RBMS3: variants seen among roughly 807,000 people sequenced by gnomAD.
RBMS3 encodes the protein RNA-binding motif, single-stranded-interacting protein 3.
In RBMS3, 27 loss-of-function variants were observed where a neutral mutation model predicts 66.8. The ratio of observed to expected loss-of-function variants is 0.40; its 90% CI spans 0.30 to 0.56. The LOEUF is 0.56. RBMS3 is among the 20% of genes least tolerant of loss of function. The pLI, the probability that RBMS3 is intolerant of heterozygous loss-of-function variation, is 0.40. For synonymous variants in RBMS3, 188 were observed against 183.0 expected (o/e 1.03, Z -0.22); for missense variants, 513 against 549.5 (o/e 0.93, Z 0.66).
intron 4 of RBMS3, among the ~76,000 whole-genome samples, chr3:29,669,843 G>A (rs973750835): frequency 5.9e-5 from 9 of 152,180 alleles, no homozygotes; most frequent in African/African-American, 2.2e-4. Context: ...CTGCACACAT[G>A]AGTATGCAAT....
At position 29,931,997 on chromosome 3, in the gene RBMS3, A is replaced by C. The variant is rs146720766; in HGVS notation, c.940-4089A>C. Among the ~76,000 whole-genome samples, 1,106 of 152,284 alleles carry C rather than the reference A, an allele frequency of 7.3e-3. 15 individuals carry two copies. The highest frequency in any genetic ancestry group is 0.025 in the African/African-American group (1,043 of 41,566). The stretch of plus-strand genomic sequence containing the variant: ...CATTTAGATAAGACAGCAGAAAAAA[A>C]GGGATGCTGTTTTTTTAATTTTCAC... On this transcript the variant is annotated intron_variant, in intron 10 of 14. Coordinates refer to ENST00000383767, the MANE Select transcript of RBMS3 (RefSeq NM_001003793.3).
At chr3:29,940,714 A>G (rs544680984) in intron 11 of RBMS3, among the ~76,000 whole-genome samples, 2 of 151,276 alleles carry the variant, frequency 1.3e-5, no homozygotes, top group Non-Finnish European at 3.0e-5. Flanking sequence ...TCAAATGTTT[A>G]TTGTTCAATT....
At chr3:29,586,348 C>T (rs1171678883) in intron 3 of RBMS3, among the ~76,000 whole-genome samples, 1 of 152,052 alleles carries the variant, frequency 6.6e-6, no homozygotes, top group Admixed American at 6.6e-5. Flanking sequence ...CATATATAGA[C>T]ATCCACACAA....
intron 2 of RBMS3, among the ~76,000 whole-genome samples, chr3:29,456,865 T>C (rs201823334): frequency 4.7e-4 from 71 of 152,338 alleles, no homozygotes; most frequent in Admixed American, 2.8e-3. Flanking sequence ...ATAGGAATTT[T>C]AAAAGTATAT....
At chr3:29,785,344 A>T (rs1442375971) in intron 6 of RBMS3, among the ~76,000 whole-genome samples, 1 of 152,158 alleles carries the variant, frequency 6.6e-6, no homozygotes, top group Non-Finnish European at 1.5e-5. Context: ...CATACCAGGG[A>T]TGTAAGGATG....
Position 30,009,645 on chromosome 3 carries a change from T to C in RBMS3, c.*5783T>C, listed in dbSNP as rs114770621. ...ATAACGGTAGCTCTTGGTACAGTCA[T>C]ATTCATATTTTTAAATCTTTCTTTG... On this transcript the variant is annotated 3_prime_UTR_variant, in exon 15 of 15. Transcript: ENST00000383767. The C allele has an allele frequency of 2.7e-3, 410 of 152,258 alleles. No individual in the cohort carries two copies. Among genetic ancestry groups the C allele is most frequent in the African/African-American group, 9.3e-3 (388 of 41,530 alleles). The allele number at this position is 152,258 out of a possible 1,614,324, so 9.4% of individuals were successfully genotyped here.
chr3:29,926,650 G>C (rs1200067659), intron 10 of RBMS3, among the ~76,000 whole-genome samples: 1 of 152,138 alleles, frequency 6.6e-6, no homozygotes. Flanking sequence ...TTTTATGACA[G>C]CTCACAGTCC....
At chr3:29,514,772 A>G (rs532630592) in intron 3 of RBMS3, among the ~76,000 whole-genome samples, 1 of 149,490 alleles carries the variant, frequency 6.7e-6, no homozygotes, top group East Asian at 2.0e-4. Flanking sequence ...TATATACGAT[A>G]GGCATATATA....
intron 6 of RBMS3, among the ~76,000 whole-genome samples, chr3:29,769,829 C>A (rs764707297): frequency 1.3e-5 from 2 of 151,880 alleles, no homozygotes; most frequent in Middle Eastern, 3.4e-3. Context: ...GGTAAACAAG[C>A]ATGCAACCAA....
chr3:29,435,996 C>G (rs1349356547), intron 2 of RBMS3, among the ~76,000 whole-genome samples: 1 of 146,732 alleles, frequency 6.8e-6, no homozygotes. Flanking sequence ...GAAGACGAAT[C>G]GTAGACCTGT....
chr3:29,953,605 C>T (rs960054466), intron 12 of RBMS3, among the ~76,000 whole-genome samples: 1 of 151,794 alleles, frequency 6.6e-6, no homozygotes, highest in African/African-American at 2.4e-5. Flanking sequence ...GTGTTTTATT[C>T]ATCACATAGT....
intron 6 of RBMS3, among the ~76,000 whole-genome samples, chr3:29,852,315 A>T (rs2058955083): frequency 6.6e-6 from 1 of 152,216 alleles, no homozygotes; most frequent in South Asian, 2.1e-4. Context: ...GACAAATGGG[A>T]TCTAATTTAA....
intron 4 of RBMS3, among the ~76,000 whole-genome samples, chr3:29,663,173 C>T (rs1365516576): frequency 6.6e-6 from 1 of 152,186 alleles, no homozygotes; most frequent in Non-Finnish European, 1.5e-5. Context: ...TCCACAATTT[C>T]TCCTTGTGGA....
At chr3:29,375,343 C>A (rs1179907053) in intron 1 of RBMS3, among the ~76,000 whole-genome samples, 1 of 152,028 alleles carries the variant, frequency 6.6e-6, no homozygotes, top group Non-Finnish European at 1.5e-5. Context: ...GTGACAAAAG[C>A]AAAAATTGAC....
At chr3:29,649,903 A>G (rs1050995560) in intron 4 of RBMS3, among the ~76,000 whole-genome samples, 2 of 152,208 alleles carry the variant, frequency 1.3e-5, no homozygotes, top group African/African-American at 2.4e-5. Context: ...ATTGGATGCC[A>G]CAAACTCCAC....
intron 1 of RBMS3, among the ~76,000 whole-genome samples, chr3:29,351,046 C>T (rs1255634062): frequency 6.6e-6 from 1 of 151,954 alleles, no homozygotes; most frequent in Non-Finnish European, 1.5e-5. Context: ...TATAGATATG[C>T]CTATACCAAC....
At chr3:29,887,889 A>G (rs2059909793) in intron 8 of RBMS3, among the ~76,000 whole-genome samples, 1 of 151,818 alleles carries the variant, frequency 6.6e-6, no homozygotes, top group Non-Finnish European at 1.5e-5. Context: ...TAATTGTTAC[A>G]AATCGACATA....
At chr3:29,866,220 G>A (rs780705618) in intron 6 of RBMS3, among the ~76,000 whole-genome samples, 1 of 152,030 alleles carries the variant, frequency 6.6e-6, no homozygotes, top group Non-Finnish European at 1.5e-5. Flanking sequence ...GGTCACATAG[G>A]CATATGCATA....
intron 2 of RBMS3, among the ~76,000 whole-genome samples, chr3:29,480,934 G>A (rs1264904591): frequency 1.3e-5 from 2 of 152,050 alleles, no homozygotes; most frequent in Non-Finnish European, 2.9e-5. Flanking sequence ...GTCTTCTTTT[G>A]AGACAGGAGA....
Sources: gnomAD v4.1 joint callset for allele counts (sites outside exome capture counted in the v4.1 genomes callset) on GRCh38, gnomAD v4.1.1 for gene constraint, MANE v1.5 for transcripts, NCBI Gene and HGNC (gene_info 2026-07-23, HGNC 2026-07-21) for gene names.